PCDHGC5: variants seen among roughly 807,000 people sequenced by gnomAD.
PCDHGC5 encodes protocadherin gamma subfamily C, 5, also known as protocadherin gamma-C5.
In PCDHGC5, 25 loss-of-function variants were observed where a neutral mutation model predicts 59.0. The ratio of observed to expected loss-of-function variants is 0.42; its 90% confidence interval spans 0.31 to 0.59. PCDHGC5 has a LOEUF of 0.59. Ranked by LOEUF, PCDHGC5 falls within the 20% of genes least tolerant of loss-of-function variation. The pLI is 0.13. For synonymous variants in PCDHGC5, 434 were observed against 505.5 expected, an observed-to-expected ratio of 0.86 and a Z score of 1.90; for missense variants, 1,067 against 1,206.4, an observed-to-expected ratio of 0.88 and a Z score of 1.71.
chr5:141,502,179 A>C (rs1403845758), intron 2 of PCDHGC5, among the ~76,000 whole-genome samples: 3 of 152,218 alleles, frequency 2.0e-5, no homozygotes, highest in African/African-American at 7.2e-5. Context: ...GGAATTTAAC[A>C]TTAATACAAT....
intron 2 of PCDHGC5, among the ~76,000 whole-genome samples, chr5:141,505,177 A>G (rs917485235): frequency 6.6e-6 from 1 of 152,180 alleles, no homozygotes; most frequent in East Asian, 1.9e-4. Flanking sequence ...AAAAGAAAAA[A>G]GCATCGGAGG....
chr5:141,501,141 A>G (rs940603527), intron 2 of PCDHGC5, among the ~76,000 whole-genome samples: 8 of 152,184 alleles, frequency 5.3e-5, no homozygotes, highest in Admixed American at 5.2e-4. Context: ...TGCTGGGATT[A>G]CAGGTGGGAG....
intron 2 of PCDHGC5, among the ~76,000 whole-genome samples, chr5:141,497,980 G>A (rs983045402): frequency 2.0e-5 from 3 of 152,168 alleles, no homozygotes; most frequent in African/African-American, 7.2e-5. Context: ...GATGTGGGAG[G>A]CCCCTGCCCT....
rs2099710219 is a variant in PCDHGC5, at chr5:141,491,289, C to A, written c.2049C>A (p.His683Gln). The change falls in exon 1 of 4, where the codon CAC (histidine) becomes CAA (glutamine). Residue 683 changes from histidine to glutamine, a missense_variant. His to Gln is a conservative substitution (Grantham distance 24). Transcript: ENST00000252087. The surrounding 1 kb of genome is among the most constrained non-coding windows in gnomAD (Gnocchi z 6.9). The stretch of plus-strand genomic sequence containing the variant: ...CCAAATCCAGTGACTTCCTCATACA[C>A]CCTCCTGAGCGTTCAGACCTTACCC... The part of the protein sequence containing the change: ...EMPKSSDFLI[H>Q]PPERSDLTLY... 1 of 1,614,112 alleles carries A rather than the reference C, an allele frequency of 6.2e-7. No homozygotes were observed. Among genetic ancestry groups the A allele is most frequent in the Non-Finnish European group, 8.5e-7 (1 of 1,179,942 alleles).
chr5:141,494,316 G>T (rs2099753509), intron 1 of PCDHGC5, among the ~76,000 whole-genome samples: 1 of 152,172 alleles, frequency 6.6e-6, no homozygotes, highest in Admixed American at 6.5e-5. Flanking sequence ...TGCACAACCT[G>T]GCACCAAAAG....
At chr5:141,507,797 C>A (rs933921827) in intron 3 of PCDHGC5, among the ~76,000 whole-genome samples, 1 of 152,240 alleles carries the variant, frequency 6.6e-6, no homozygotes, top group Admixed American at 6.5e-5. Context: ...TCTAAGCCTG[C>A]GCCCTGGGGA....
At position 141,491,919 on chromosome 5, in the gene PCDHGC5, C is replaced by A. The variant is rs1177043977; in HGVS notation, c.2460+219C>A. 1.5e-6 allele frequency: 2 copies of A among 1,361,778 alleles called. No homozygotes were observed. Among genetic ancestry groups the A allele is most frequent in the South Asian group, 1.6e-5 (1 of 64,218 alleles). 84.4% of individuals were successfully genotyped at this position (1,361,778 alleles called of 1,614,324 possible). A position where few individuals can be genotyped will look rare whatever the true frequency, so the allele number is the denominator to read the frequency against. On this transcript the variant is annotated intron_variant, in intron 1 of 3. Coordinates refer to ENST00000252087, the MANE Select transcript of PCDHGC5 (RefSeq NM_018929.3). The surrounding 1 kb of genome is among the most constrained non-coding windows in gnomAD (Gnocchi z 6.9). ...CACCGGGGGTGGTGGCGACTGTGGGCGAGGGGAGGTGGGACCGACCCCCAC... is the reference window on the plus strand; with the variant it reads ...CACCGGGGGTGGTGGCGACTGTGGGAGAGGGGAGGTGGGACCGACCCCCAC...
Position 141,511,590 on chromosome 5 carries a change from A to C in PCDHGC5, c.*417A>C, listed in dbSNP as rs2099883868. On this transcript the variant is annotated 3_prime_UTR_variant, in exon 4 of 4. Transcript: ENST00000252087. ...AGTAAGGTGGTTGGGGTGTTGAAGT[A>C]CCAAGTAACCTACAAGCCTCCTAGT... The C allele has an allele frequency of 3.7e-6, 1 of 267,790 alleles. No homozygotes were observed. Among genetic ancestry groups the C allele is most frequent in the Admixed American group, 4.8e-5 (1 of 20,946 alleles). The allele number at this position is 267,790 out of a possible 1,614,324, so 16.6% of individuals were successfully genotyped here.
Position 141,491,019 on chromosome 5 carries a change from A to G in PCDHGC5, c.1779A>G (p.Thr593=). 5 of 1,614,116 alleles carry G rather than the reference A, an allele frequency of 3.1e-6. No individual in the cohort carries two copies. The highest frequency in any genetic ancestry group is 4.2e-6 in the Non-Finnish European group (5 of 1,180,026). ...APPGSLVTKV[T]AVDADAGHNA... ...CTGGCTCCTTGGTCACCAAGGTGAC[A>G]GCCGTGGATGCTGATGCAGGCCACA... Residue 593 remains threonine (T), a synonymous_variant, in exon 1 of 4, where the codon ACA becomes ACG. Coordinates refer to ENST00000252087, the MANE Select transcript of PCDHGC5 (RefSeq NM_018929.3). This position sits in a 1 kb window ranked among gnomAD's most constrained non-coding sequence, Gnocchi z 6.9.
At chr5:141,498,318 G>T (rs927950671) in intron 2 of PCDHGC5, among the ~76,000 whole-genome samples, 2 of 151,792 alleles carry the variant, frequency 1.3e-5, no homozygotes, top group African/African-American at 4.8e-5. Flanking sequence ...TGCCTACACA[G>T]AAGGAAGAGC....
In PCDHGC5 at chr5:141,490,889, T is replaced by G. The variant is rs568838001; in HGVS notation, c.1649T>G (p.Leu550Arg). The G allele has an allele frequency of 6.2e-7, 1 of 1,613,406 alleles. No homozygotes were observed. Among genetic ancestry groups the G allele is most frequent in the Non-Finnish European group, 8.5e-7 (1 of 1,179,428 alleles). ...GSPPLHANTS[L>R]HVFVLDENDN... ...CCCCCATTGCATGCCAACACATCTCTGCATGTGTTTGTCCTAGACGAGAAT... is the reference window on the plus strand; with the variant it reads ...CCCCCATTGCATGCCAACACATCTCGGCATGTGTTTGTCCTAGACGAGAAT... Residue 550 changes from leucine (L) to arginine (R), a missense_variant, in exon 1 of 4, where the codon CTG becomes CGG. By Grantham distance (102) the Leu-to-Arg change is moderately radical. Coordinates refer to ENST00000252087, the MANE Select transcript of PCDHGC5 (RefSeq NM_018929.3). This position sits in a 1 kb window ranked among gnomAD's most constrained non-coding sequence, Gnocchi z 5.4.
intron 2 of PCDHGC5, among the ~76,000 whole-genome samples, chr5:141,495,601 G>A (rs1315613802): frequency 3.3e-5 from 5 of 152,004 alleles, no homozygotes; most frequent in South Asian, 2.1e-4. Context: ...CTTAGCTTCC[G>A]TCTTGATTGC....
In PCDHGC5 at chr5:141,491,908, G is replaced by T; in HGVS notation, c.2460+208G>T. ...GGGGCTCCGAGCACCGGGGGTGGTG[G>T]CGACTGTGGGCGAGGGGAGGTGGGA... On this transcript the variant is annotated intron_variant, in intron 1 of 3. Transcript: ENST00000252087. The surrounding 1 kb of genome is among the most constrained non-coding windows in gnomAD (Gnocchi z 6.9). 7.1e-7 allele frequency: 1 copy of T among 1,408,288 alleles called. No homozygotes were observed. Among genetic ancestry groups the T allele is most frequent in the Non-Finnish European group, 9.4e-7 (1 of 1,060,836 alleles). The allele number at this position is 1,408,288 out of a possible 1,614,324, so 87.2% of individuals were successfully genotyped here. A position where few individuals can be genotyped will look rare whatever the true frequency, so the allele number is the denominator to read the frequency against.
chr5:141,505,625 C>T, intron 3 of PCDHGC5, 144 bp downstream of exon 3: 1 of 1,489,114 alleles, frequency 6.7e-7, no homozygotes, highest in Non-Finnish European at 9.0e-7. Context: ...CCCACAATTC[C>T]AAACATAAAG....
chr5:141,491,648 T>G lies in PCDHGC5; in HGVS notation c.2408T>G (p.Leu803Arg), dbSNP rs756792762. 1 of 1,613,834 alleles carries G rather than the reference T, an allele frequency of 6.2e-7. No individual in the cohort carries two copies. Among genetic ancestry groups the G allele is most frequent in the Non-Finnish European group, 8.5e-7 (1 of 1,180,002 alleles). The change falls in exon 1 of 4, where the codon CTG becomes CGG. Residue 803 changes from leucine to arginine, a missense_variant. Physicochemically the swap from Leu to Arg is moderately radical, Grantham distance 102. Coordinates refer to ENST00000252087, the MANE Select transcript of PCDHGC5 (RefSeq NM_018929.3). This position sits in a 1 kb window ranked among gnomAD's most constrained non-coding sequence, Gnocchi z 6.9. Reference sequence around the variant, plus strand: ...GTTCAGCAGCCCACAGCTCTGGCGCTGGAGCCTGACGCCATCCGGTCCCGC... The same window carrying G: ...GTTCAGCAGCCCACAGCTCTGGCGCGGGAGCCTGACGCCATCCGGTCCCGC... ...LSVQQPTALALEPDAIRSRSN... is the reference protein window; with the variant it reads ...LSVQQPTALAREPDAIRSRSN...
chr5:141,489,254 C>T lies in PCDHGC5; in HGVS notation c.14C>T (p.Thr5Ile), dbSNP rs2099684538. 2 of 1,548,628 alleles carry T rather than the reference C, an allele frequency of 1.3e-6. No homozygotes were observed. Among genetic ancestry groups the T allele is most frequent in the African/African-American group, 1.4e-5 (1 of 73,008 alleles). ...GACTTCTGGGTCATGGGGCCCAAGA[C>T]ACTCCCACAGCTCGCTGGGAAATGG... is the stretch of plus-strand genomic sequence containing the variant. MGPKTLPQLAGKWQV... is the reference protein window; with the variant it reads MGPKILPQLAGKWQV... The change falls in exon 1 of 4, where the codon ACA becomes ATA. Residue 5 changes from threonine (T) to isoleucine (I), a missense_variant. Transcript: ENST00000252087. This position sits in a 1 kb window ranked among gnomAD's most constrained non-coding sequence, Gnocchi z 4.5.
chr5:141,504,161 T>C (rs931754061), intron 2 of PCDHGC5, among the ~76,000 whole-genome samples: 1 of 152,196 alleles, frequency 6.6e-6, no homozygotes, highest in Non-Finnish European at 1.5e-5. Context: ...AATAATTTCA[T>C]CCTTGGAAAT....
At chr5:141,504,381 T>C (rs1039838477) in intron 2 of PCDHGC5, among the ~76,000 whole-genome samples, 4 of 152,130 alleles carry the variant, frequency 2.6e-5, no homozygotes, top group Non-Finnish European at 5.9e-5. Context: ...GTGGAGTCGC[T>C]GCCTCACAGA....
chr5:141,489,701 T>C lies in PCDHGC5; in HGVS notation c.461T>C (p.Leu154Pro), dbSNP rs1038902932. The C allele has an allele frequency of 1.9e-6, 3 of 1,614,128 alleles. No homozygotes were observed. The highest frequency in any genetic ancestry group is 2.5e-6 in the Non-Finnish European group (3 of 1,179,944). The change falls in exon 1 of 4, where the codon CTG becomes CCG. Residue 154 changes from leucine to proline, a missense_variant. Transcript: ENST00000252087. The surrounding 1 kb of genome is among the most constrained non-coding windows in gnomAD (Gnocchi z 4.5). ...ESAASGARFPLDSAQDPDVGT... is the reference protein window; with the variant it reads ...ESAASGARFPPDSAQDPDVGT... ...GCAGCATCTGGGGCACGATTCCCAC[T>C]GGACAGTGCCCAGGATCCGGATGTG...
Sources: allele counts gnomAD v4.1 joint callset (sites outside exome capture counted in the v4.1 genomes callset), GRCh38; gene constraint gnomAD v4.1.1; non-coding constraint Gnocchi (gnomAD v3.1); transcripts MANE v1.5; gene names NCBI Gene and HGNC (gene_info 2026-07-23, HGNC 2026-07-21).